Variants in SOX5 observed in about 807,000 individuals in gnomAD.
The protein encoded by SOX5 is transcription factor SOX-5.
Under a neutral mutation model 92.0 loss-of-function variants are expected in SOX5, and 9 were observed. The ratio of observed to expected loss-of-function variants is 0.10; its 90% confidence interval spans 0.06 to 0.17. The LOEUF is 0.17. SOX5 is among the 10% of genes least tolerant of loss of function. The probability of loss-of-function intolerance (pLI) is 1.00; values close to 1 mark genes in which losing one functional copy is unlikely to be tolerated. For synonymous variants in SOX5, 344 were observed against 336.3 expected, an observed-to-expected ratio of 1.02 and a Z score of -0.25; for missense variants, 642 against 944.5, an observed-to-expected ratio of 0.68 and a Z score of 4.20.
chr12:24,560,884 C>A (rs1053666318), intron 1 of SOX5, among the ~76,000 whole-genome samples: 4 of 152,190 alleles, frequency 2.6e-5, no homozygotes, highest in African/African-American at 9.6e-5. Context: ...CATGTGCCTA[C>A]TTCATTGGCC....
intron 4 of SOX5, among the ~76,000 whole-genome samples, chr12:24,157,138 G>A (rs1952262839): frequency 6.6e-6 from 1 of 151,778 alleles, no homozygotes; most frequent in Admixed American, 6.6e-5. Context: ...TAATCTATTT[G>A]ATCTCCATTT....
chr12:23,765,126 A>T (rs1389262098), intron 3 of SOX5, among the ~76,000 whole-genome samples: 2 of 152,088 alleles, frequency 1.3e-5, no homozygotes, highest in Non-Finnish European at 2.9e-5. Context: ...GTATATTAAA[A>T]TTTGTATATA....
intron 3 of SOX5, among the ~76,000 whole-genome samples, chr12:23,818,272 T>TA (rs1388672923): frequency 2.0e-5 from 3 of 152,178 alleles, no homozygotes; most frequent in Non-Finnish European, 4.4e-5. Flanking sequence ...GGCTATAAGG[T>TA]ATGGCCTCTT....
chr12:24,042,018 A>T (rs1956574258), intron 4 of SOX5, among the ~76,000 whole-genome samples: 2 of 152,130 alleles, frequency 1.3e-5, no homozygotes, highest in Admixed American at 6.5e-5. Flanking sequence ...AACATCTACC[A>T]TGCATAAGAC....
chr12:24,166,110 G>C (rs1292047933), intron 4 of SOX5, among the ~76,000 whole-genome samples: 1 of 152,036 alleles, frequency 6.6e-6, no homozygotes, highest in Non-Finnish European at 1.5e-5. Flanking sequence ...AAGGAGAAGG[G>C]AAAGAATACG....
chr12:23,694,954 AC>A (rs2089537546), intron 6 of SOX5, among the ~76,000 whole-genome samples: 1 of 152,046 alleles, frequency 6.6e-6, no homozygotes, highest in African/African-American at 2.4e-5. Context: ...CCCTATCTCT[AC>A]AAAAAATTTT....
intron 1 of SOX5, among the ~76,000 whole-genome samples, chr12:24,511,460 C>T (rs1402900752): frequency 1.3e-5 from 2 of 152,150 alleles, no homozygotes; most frequent in Non-Finnish European, 2.9e-5. Context: ...TTTGATCAAA[C>T]TGCATCAATG....
At chr12:24,364,203 T>G (rs1955900806) in intron 2 of SOX5, among the ~76,000 whole-genome samples, 1 of 152,120 alleles carries the variant, frequency 6.6e-6, no homozygotes, top group South Asian at 2.1e-4. Context: ...TCTTTACTAA[T>G]CTATGCTTTG....
chr12:24,045,135 A>G (rs1390855518), intron 4 of SOX5, among the ~76,000 whole-genome samples: 1 of 152,172 alleles, frequency 6.6e-6, no homozygotes, highest in African/African-American at 2.4e-5. Context: ...TAAGTAAGAT[A>G]GTGGACTCTG....
At chr12:24,330,991 C>G (rs975962530) in intron 2 of SOX5, among the ~76,000 whole-genome samples, 2 of 152,292 alleles carry the variant, frequency 1.3e-5, no homozygotes, top group East Asian at 3.9e-4. Context: ...AAGGCTGCGG[C>G]TAAATGGGGA....
chr12:24,299,531 T>C (rs1595347659), intron 2 of SOX5, among the ~76,000 whole-genome samples: 1 of 152,154 alleles, frequency 6.6e-6, no homozygotes, highest in African/African-American at 2.4e-5. Flanking sequence ...TTATAACTTA[T>C]TGTCTATTGT....
At chr12:24,285,657 C>A (rs563110) in intron 2 of SOX5, among the ~76,000 whole-genome samples, 66,310 of 151,940 alleles carry the variant, frequency 0.44, 17,375 homozygotes, top group East Asian at 0.79. Context: ...ACTAGTTAAC[C>A]AAGTTTATGT....
In SOX5 at chr12:24,294,704, G is replaced by A. The variant is rs150354135; in HGVS notation, c.-173-17392C>T. ...ACAACCTTCATCTCTGGATGGACTA[G>A]ATTGTTACGGTGGCTGCATTTTACT... On this transcript the variant is annotated intron_variant, in intron 2 of 4. Coordinates refer to the SOX5 transcript ENST00000446891. Among the ~76,000 whole-genome samples the A allele has an allele frequency of 6.9e-3, 1,053 of 152,316 alleles. 11 individuals are homozygous for A. The highest frequency in any genetic ancestry group is 0.034 in the Middle Eastern group (10 of 294).
intron 1 of SOX5, among the ~76,000 whole-genome samples, chr12:24,439,441 G>A (rs966367291): frequency 1.3e-5 from 2 of 152,098 alleles, no homozygotes; most frequent in Non-Finnish European, 2.9e-5. Context: ...CTATCTAGAA[G>A]GACTATCCTG....
intron 4 of SOX5, among the ~76,000 whole-genome samples, chr12:24,107,764 G>A (rs950793220): frequency 1.6e-4 from 24 of 152,138 alleles, no homozygotes; most frequent in Admixed American, 3.9e-4. Context: ...TGTTGATGCC[G>A]GGCTTAAAGA....
chr12:23,976,849 A>T lies in SOX5; in HGVS notation c.-1-80825T>A, dbSNP rs116410504. Among the ~76,000 whole-genome samples the T allele has an allele frequency of 3.3e-3, 498 of 152,100 alleles. 7 individuals are homozygous for T. Among genetic ancestry groups the T allele is most frequent in the African/African-American group, 0.011 (476 of 41,496 alleles). On this transcript the variant is annotated intron_variant, in intron 4 of 4. Coordinates refer to the SOX5 transcript ENST00000446891. ...TTTTTAAAACAAAAACAAAAACAGC[A>T]TATATAAAACAACTAGTAAAACCTG...
intron 1 of SOX5, among the ~76,000 whole-genome samples, chr12:23,901,279 A>G (rs1453792720): frequency 6.6e-6 from 1 of 152,138 alleles, no homozygotes; most frequent in Admixed American, 6.6e-5. Context: ...AATGCAATGG[A>G]ACAGATCCTC....
intron 2 of SOX5, among the ~76,000 whole-genome samples, chr12:23,848,995 A>T (rs189616500): frequency 6.6e-6 from 1 of 152,338 alleles, no homozygotes; most frequent in Admixed American, 6.5e-5. Context: ...CCTCATTAAA[A>T]TATCTTTTTA....
rs907704980 is a variant in SOX5 at position 24,141,161 on chromosome 12, C to T, written c.-2+72182G>A. 3.3e-5 allele frequency among the ~76,000 whole-genome samples: 5 copies of T among 152,146 alleles called. No individual in the cohort carries two copies. The East Asian group carries it at 9.6e-4, about 29-fold the overall frequency. On this transcript the variant is annotated intron_variant, in intron 4 of 4. Transcript: ENST00000446891. ...CCTCTCTGCAAACCTCTCTTCATGG[C>T]TAAAAAACAAGGTATATATGGAATG...
Sources: gnomAD v4.1 joint callset for allele counts (sites outside exome capture counted in the v4.1 genomes callset) on GRCh38, gnomAD v4.1.1 for gene constraint, MANE v1.5 for transcripts, NCBI Gene and HGNC (gene_info 2026-07-23, HGNC 2026-07-21) for gene names.